Variants in ATP2B2 observed in about 807,000 individuals in gnomAD.
The protein encoded by ATP2B2 is plasma membrane calcium-transporting ATPase 2.
A neutral mutation model predicts 120.0 loss-of-function variants in ATP2B2; 15 were observed. That is an observed-to-expected ratio of 0.12 (90% CI 0.08 to 0.19). The LOEUF (loss-of-function observed/expected upper bound fraction) is 0.19, where lower values mean the gene tolerates loss of function less well. Among genes scored for constraint, ATP2B2 ranks in the 10% least tolerant of loss-of-function variants. The pLI is 1.00. For synonymous variants in ATP2B2, 694 were observed against 700.3 expected, an observed-to-expected ratio of 0.99 and a Z score of 0.14; for missense variants, 1,045 against 1,719.8, an observed-to-expected ratio of 0.61 and a Z score of 6.94.
At chr3:10,706,820 A>C (rs866460416) in intron 1 of ATP2B2, among the ~76,000 whole-genome samples, 2 of 152,174 alleles carry the variant, frequency 1.3e-5, no homozygotes, top group Non-Finnish European at 2.9e-5. Flanking sequence ...CTAGTAAGAG[A>C]CAGTGTCCCA....
intron 2 of ATP2B2, among the ~76,000 whole-genome samples, chr3:10,592,406 C>G (rs1197359015): frequency 6.6e-6 from 1 of 152,256 alleles, no homozygotes; most frequent in African/African-American, 2.4e-5. Context: ...CTGGGGGACT[C>G]CCACACCCAT....
chr3:10,658,685 G>A (rs1048223962), intron 1 of ATP2B2, among the ~76,000 whole-genome samples: 2 of 152,210 alleles, frequency 1.3e-5, no homozygotes, highest in Admixed American at 1.3e-4. Context: ...ATATTATCCA[G>A]GAGAACTTCC....
chr3:10,682,751 AC>A (rs1393428938), intron 1 of ATP2B2, among the ~76,000 whole-genome samples: 1 of 152,202 alleles, frequency 6.6e-6, no homozygotes, highest in African/African-American at 2.4e-5. Flanking sequence ...GTCTGTCCCT[AC>A]CCAGAGCAGA....
chr3:10,444,051 T>C (rs964023427), intron 2 of ATP2B2, among the ~76,000 whole-genome samples: 1 of 152,230 alleles, frequency 6.6e-6, no homozygotes, highest in East Asian at 1.9e-4. Context: ...GCCTCTTGCA[T>C]ACTCAGGAGT....
In ATP2B2 at chr3:10,420,463, G is replaced by A. The variant is rs1251370071; in HGVS notation, c.200-9648C>T. Reference sequence around the variant, plus strand: ...TGCAACCTCCGCCTCCCGGCTTCAAGTGATTCTCCTGCCTCGGCCCCCCGA... The same window carrying A: ...TGCAACCTCCGCCTCCCGGCTTCAAATGATTCTCCTGCCTCGGCCCCCCGA... On this transcript the variant is annotated intron_variant, in intron 2 of 22. Transcript: ENST00000360273. 2.0e-5 allele frequency among the ~76,000 whole-genome samples: 3 copies of A among 152,118 alleles called. No homozygotes were observed. The East Asian group carries it at 5.8e-4, about 29-fold the overall frequency.
At chr3:10,424,158 C>T (rs527787461) in intron 2 of ATP2B2, among the ~76,000 whole-genome samples, 2 of 152,280 alleles carry the variant, frequency 1.3e-5, no homozygotes, top group South Asian at 4.1e-4. Context: ...ACTTTATACA[C>T]GGGCCTTGCA....
intron 1 of ATP2B2, among the ~76,000 whole-genome samples, chr3:10,705,861 G>A (rs1193992839): frequency 1.3e-5 from 2 of 152,178 alleles, no homozygotes. Context: ...TATGCTCTGT[G>A]GTCCTGGTAT....
Position 10,342,619 on chromosome 3 carries a change from C to T in ATP2B2, c.2917+133G>A, listed in dbSNP as rs904720923. 1.1e-5 allele frequency: 12 copies of T among 1,100,940 alleles called. No individual in the cohort carries two copies. Among genetic ancestry groups the T allele is most frequent in the African/African-American group, 1.6e-5 (1 of 64,402 alleles). 68.2% of individuals were successfully genotyped at this position (1,100,940 alleles called of 1,614,324 possible). A position where few individuals can be genotyped will look rare whatever the true frequency, so the allele number is the denominator to read the frequency against. ...GTGTGACCTTGGGCAACTTACTTGA[C>T]CTCCCTGGGCCTCAATTTCCCCATT... On this transcript the variant is annotated intron_variant, in intron 19 of 22. Transcript: ENST00000360273. This position sits in a 1 kb window ranked among gnomAD's most constrained non-coding sequence, Gnocchi z 4.4.
At chr3:10,496,215 C>T (rs1010532776) in intron 1 of ATP2B2, among the ~76,000 whole-genome samples, 24 of 152,182 alleles carry the variant, frequency 1.6e-4, no homozygotes, top group Admixed American at 9.2e-4. Context: ...GACTGGCACC[C>T]AGCAACCTTT....
chr3:10,600,670 C>A (rs1465502430), intron 2 of ATP2B2, among the ~76,000 whole-genome samples: 2 of 152,224 alleles, frequency 1.3e-5, no homozygotes, highest in African/African-American at 4.8e-5. Context: ...GCCGCCCCCT[C>A]CCTGCCCCTG....
chr3:10,462,121 T>G (rs1415180919), intron 1 of ATP2B2, among the ~76,000 whole-genome samples: 2 of 152,160 alleles, frequency 1.3e-5, no homozygotes, highest in Non-Finnish European at 2.9e-5. Flanking sequence ...CACCCTAACA[T>G]GGGTGGTTCC....
chr3:10,615,434 T>A (rs1285114524), intron 2 of ATP2B2, among the ~76,000 whole-genome samples: 1 of 152,170 alleles, frequency 6.6e-6, no homozygotes, highest in Non-Finnish European at 1.5e-5. Context: ...GTTTTGGATT[T>A]AGGCAAAGAC....
chr3:10,424,865 C>T (rs2063097613), intron 2 of ATP2B2, among the ~76,000 whole-genome samples: 5 of 152,076 alleles, frequency 3.3e-5, no homozygotes, highest in Admixed American at 3.3e-4. Context: ...TTTTTTATGA[C>T]TATATATATG....
intron 2 of ATP2B2, among the ~76,000 whole-genome samples, chr3:10,435,216 G>A (rs904956569): frequency 1.3e-5 from 2 of 152,162 alleles, no homozygotes; most frequent in South Asian, 2.1e-4. Context: ...CCCCCCAACC[G>A]GACCATTACC....
chr3:10,447,333 T>C (rs1428096759), intron 2 of ATP2B2, among the ~76,000 whole-genome samples: 2 of 152,176 alleles, frequency 1.3e-5, no homozygotes, highest in Non-Finnish European at 2.9e-5. Context: ...CAGCCGGAAA[T>C]GGCCCTGCAA....
At chr3:10,512,952 G>A (rs879265100) in intron 3 of ATP2B2, among the ~76,000 whole-genome samples, 2 of 152,210 alleles carry the variant, frequency 1.3e-5, no homozygotes, top group African/African-American at 4.8e-5. Flanking sequence ...TGCGCACGAT[G>A]CCATGTGCTT....
intron 3 of ATP2B2, among the ~76,000 whole-genome samples, chr3:10,404,476 G>A (rs1470141506): frequency 1.3e-5 from 2 of 152,190 alleles, no homozygotes; most frequent in Admixed American, 6.5e-5. Flanking sequence ...AATGGCAGGT[G>A]CTCTCTCATA....
intron 2 of ATP2B2, among the ~76,000 whole-genome samples, chr3:10,536,331 A>ATT (rs71055821): frequency 3.6e-5 from 5 of 138,834 alleles, no homozygotes; most frequent in Non-Finnish European, 6.3e-5. Context: ...TTGTCACAGG[A>ATT]TTTTTTTTTT....
At chr3:10,679,443 G>T (rs543115657) in intron 1 of ATP2B2, among the ~76,000 whole-genome samples, 2 of 152,172 alleles carry the variant, frequency 1.3e-5, no homozygotes, top group Non-Finnish European at 2.9e-5. Context: ...TGTTCAGTAC[G>T]AATGTTCTGA....
Sources: gnomAD v4.1 joint callset for allele counts (sites outside exome capture counted in the v4.1 genomes callset) on GRCh38, gnomAD v4.1.1 for gene constraint, Gnocchi (gnomAD v3.1) non-coding constraint, MANE v1.5 for transcripts, NCBI Gene and HGNC (gene_info 2026-07-23, HGNC 2026-07-21) for gene names.